Variants in ABR observed in about 807,000 individuals in gnomAD.
The protein encoded by ABR is ABR activator of RhoGEF and GTPase, also known as active breakpoint cluster region-related protein.
ABR carries 35 observed loss-of-function variants against 107.2 expected under a neutral mutation model. The observed-to-expected ratio is 0.33, with a 90% CI of 0.25 to 0.43. The LOEUF (loss-of-function observed/expected upper bound fraction) is 0.43, where lower values mean the gene tolerates loss of function less well. ABR is among the 20% of genes least tolerant of loss of function. ABR has a pLI of 1.00. For missense variants in ABR, 815 were observed against 1,115.2 expected (o/e 0.73, Z 3.83); for synonymous variants, 498 against 462.0 (o/e 1.08, Z -1.00).
intron 10 of ABR, among the ~76,000 whole-genome samples, chr17:1,065,694 A>G (rs1467100805): frequency 1.3e-5 from 2 of 149,654 alleles, no homozygotes; most frequent in East Asian, 2.0e-4. Flanking sequence ...CTCATTTTGA[A>G]TTTTGATTTC....
intron 3 of ABR, among the ~76,000 whole-genome samples, chr17:1,093,602 A>G (rs781350784): frequency 1.8e-4 from 27 of 152,210 alleles, no homozygotes; most frequent in Non-Finnish European, 3.5e-4. Flanking sequence ...CTTTCCGACA[A>G]GAGAAGCATT....
At chr17:1,204,219 C>T (rs1441936204) in intron 1 of ABR, among the ~76,000 whole-genome samples, 1 of 152,204 alleles carries the variant, frequency 6.6e-6, no homozygotes, top group African/African-American at 2.4e-5. Flanking sequence ...ACGAGGCGGG[C>T]GGATCACCTG....
chr17:1,047,232 C>T (rs1483760330), intron 16 of ABR, among the ~76,000 whole-genome samples: 3 of 152,264 alleles, frequency 2.0e-5, no homozygotes, highest in East Asian at 1.9e-4. Context: ...ATGTCCTCAG[C>T]GCCTGCTGGC....
At chr17:1,127,289 C>G (rs1451109303) in intron 1 of ABR, among the ~76,000 whole-genome samples, 2 of 151,752 alleles carry the variant, frequency 1.3e-5, no homozygotes, top group Non-Finnish European at 2.9e-5. Flanking sequence ...CAGGGATGCC[C>G]CATCACTGAG....
At chr17:1,226,417 C>A (rs563269254) in intron 1 of ABR, among the ~76,000 whole-genome samples, 1 of 152,096 alleles carries the variant, frequency 6.6e-6, no homozygotes, top group East Asian at 1.9e-4. Context: ...ATGTATGTGG[C>A]AGTGTGCCAT....
chr17:1,203,497 C>A lies in ABR; in HGVS notation c.838+25296G>T, dbSNP rs1223412451. 3.1e-3 allele frequency among the ~76,000 whole-genome samples: 36 copies of A among 11,438 alleles called. 5 individuals carry two copies. In the East Asian group the frequency reaches 0.033, roughly 10 times the overall value. 7.5% of individuals were successfully genotyped at this position (11,438 alleles called of 152,430 possible). The stretch of plus-strand genomic sequence containing the variant: ...TCTGCGGGGGCGGGGCCCGCGGGGA[C>A]GGAGTCTGCGGGGGCGGGGGCCGCA... On this transcript the variant is annotated intron_variant, in intron 1 of 22. Transcript: ENST00000574139.
chr17:1,082,422 G>C (rs182821969), intron 5 of ABR, among the ~76,000 whole-genome samples: 4 of 152,034 alleles, frequency 2.6e-5, no homozygotes, highest in Non-Finnish European at 4.4e-5. Flanking sequence ...GCAGAAGCAC[G>C]CGTGTTCCCA....
At chr17:1,184,545 C>G (rs545645904), upstream of ABR, among the ~76,000 whole-genome samples, 3 of 152,340 alleles carry the variant, frequency 2.0e-5, no homozygotes, top group African/African-American at 7.2e-5. Context: ...CAGGTAGACT[C>G]CCAGCACAGC....
At chr17:1,141,696 G>A (rs999421599) in intron 1 of ABR, among the ~76,000 whole-genome samples, 72 of 152,106 alleles carry the variant, frequency 4.7e-4, no homozygotes, top group African/African-American at 1.6e-3. Context: ...AGCTTTGTCA[G>A]CTAACTCTGC....
chr17:1,196,284 G>A (rs1345183945), intron 1 of ABR, among the ~76,000 whole-genome samples: 1 of 151,866 alleles, frequency 6.6e-6, no homozygotes, highest in African/African-American at 2.4e-5. Flanking sequence ...ACAAAAATTA[G>A]CTGGGCATGG....
intron 16 of ABR, among the ~76,000 whole-genome samples, chr17:1,045,589 C>G (rs1460049593): frequency 6.6e-6 from 1 of 152,198 alleles, no homozygotes; most frequent in Non-Finnish European, 1.5e-5. Flanking sequence ...TCCTTAGCCC[C>G]AGCTTCCTCA....
chr17:1,112,613 G>GAGGGAGGA (rs2038740791), intron 2 of ABR, among the ~76,000 whole-genome samples: 1 of 84,468 alleles, frequency 1.2e-5, no homozygotes, highest in African/African-American at 6.6e-5. Context: ...GGGAGGGAGG[G>GAGGGAGGA]AGGAAGGAAG....
At chr17:1,014,207 C>T (rs368360728) in intron 16 of ABR, among the ~76,000 whole-genome samples, 4 of 152,150 alleles carry the variant, frequency 2.6e-5, no homozygotes, top group Non-Finnish European at 5.9e-5. Context: ...TTTGAGAGGC[C>T]AAGGCAGGCA....
intron 14 of ABR, among the ~76,000 whole-genome samples, chr17:1,053,762 G>A (rs967197908): frequency 7.2e-5 from 11 of 152,128 alleles, no homozygotes; most frequent in African/African-American, 1.9e-4. Flanking sequence ...GGGAGGCCAC[G>A]GGTCGGCTCC....
intron 1 of ABR, among the ~76,000 whole-genome samples, chr17:1,197,100 A>T (rs969667423): frequency 6.6e-6 from 1 of 151,272 alleles, no homozygotes; most frequent in African/African-American, 2.5e-5. Context: ...GCATCCTGCA[A>T]CGCTCCAGAG....
At chr17:1,125,773 G>C (rs574376048) in intron 1 of ABR, 1 of 240,474 alleles carries the variant, frequency 4.2e-6, no homozygotes, top group African/African-American at 2.3e-5. Context: ...AAGGAGGTGG[G>C]GGGGGCCGGT....
chr17:1,055,826 C>A (rs2033207443), intron 14 of ABR: 2 of 542,996 alleles, frequency 3.7e-6, no homozygotes, highest in African/African-American at 3.8e-5. Flanking sequence ...CGCGCCCGGC[C>A]CCTAGGTTTC....
At chr17:1,023,526 C>T (rs2150843564) in intron 16 of ABR, among the ~76,000 whole-genome samples, 1 of 143,568 alleles carries the variant, frequency 7.0e-6, no homozygotes, top group African/African-American at 2.7e-5. Flanking sequence ...GTGGGGCCCT[C>T]TTGAGAAAAG....
intron 3 of ABR, among the ~76,000 whole-genome samples, chr17:1,094,665 C>A (rs557488248): frequency 1.0e-3 from 152 of 152,272 alleles, no homozygotes; most frequent in African/African-American, 3.6e-3. Flanking sequence ...AGCCACCATG[C>A]CTGGCTGAGA....
Sources: allele counts gnomAD v4.1 joint callset (sites outside exome capture counted in the v4.1 genomes callset), GRCh38; gene constraint gnomAD v4.1.1; transcripts MANE v1.5; gene names NCBI Gene and HGNC (gene_info 2026-07-23, HGNC 2026-07-21).